NTM: variants seen among roughly 807,000 people sequenced by gnomAD.
The protein encoded by NTM is IgLON family member 2.
In NTM, 13 loss-of-function variants were observed where a neutral mutation model predicts 42.1. That is an observed-to-expected ratio of 0.31 (90% CI 0.20 to 0.49). NTM has a LOEUF of 0.49. Among genes scored for constraint, NTM ranks in the 20% least tolerant of loss-of-function variants. The probability of loss-of-function intolerance (pLI) is 0.99; values close to 1 mark genes in which losing one functional copy is unlikely to be tolerated. For missense variants in NTM, 373 were observed against 452.8 expected (o/e 0.82, Z 1.60); for synonymous variants, 187 against 179.2 (o/e 1.04, Z -0.35).
chr11:131,384,613 G>T (rs1943085675), intron 1 of NTM, among the ~76,000 whole-genome samples: 2 of 152,092 alleles, frequency 1.3e-5, no homozygotes, highest in African/African-American at 2.4e-5. Flanking sequence ...GGAAGGAGAG[G>T]CAAGAAGGAG....
rs1387354464 is a variant in NTM, at chr11:131,453,527, G to A, written c.82+82639G>A. On this transcript the variant is annotated intron_variant, in intron 1 of 8. Transcript: ENST00000683400. ...GAGACTACAAAGCGACAAGTACAAC[G>A]GAAAGACTTTCATTAAAAAAAAATA... Among the ~76,000 whole-genome samples the A allele has an allele frequency of 4.3e-5, 6 of 137,996 alleles. No individual in the cohort carries two copies. The East Asian group carries it at 1.0e-3, about 23-fold the overall frequency. 90.5% of individuals were successfully genotyped at this position (137,996 alleles called of 152,430 possible).
intron 2 of NTM, among the ~76,000 whole-genome samples, chr11:132,087,331 A>G (rs1429080256): frequency 6.6e-6 from 1 of 152,186 alleles, no homozygotes; most frequent in African/African-American, 2.4e-5. Context: ...GGATACTAGC[A>G]TGACCTTTAT....
At chr11:131,884,601 T>C (rs1454952413) in intron 1 of NTM, among the ~76,000 whole-genome samples, 1 of 152,106 alleles carries the variant, frequency 6.6e-6, no homozygotes, top group Non-Finnish European at 1.5e-5. Context: ...GTAACCACTA[T>C]GACATTCCAC....
intron 1 of NTM, among the ~76,000 whole-genome samples, chr11:131,636,652 C>T (rs1469858179): frequency 6.6e-6 from 1 of 152,130 alleles, no homozygotes; most frequent in Non-Finnish European, 1.5e-5. Context: ...GTGCGCTGCT[C>T]CAGAGCCCAC....
chr11:131,387,373 A>G (rs1943458187), intron 1 of NTM, among the ~76,000 whole-genome samples: 1 of 150,562 alleles, frequency 6.6e-6, no homozygotes, highest in South Asian at 2.1e-4. Context: ...CCATCGCCCC[A>G]CCAAACACTG....
At chr11:132,120,854 A>C (rs1458568756) in intron 2 of NTM, among the ~76,000 whole-genome samples, 1 of 152,166 alleles carries the variant, frequency 6.6e-6, no homozygotes, top group Non-Finnish European at 1.5e-5. Flanking sequence ...TAGAGTATGC[A>C]TAGGCTGCTG....
intron 1 of NTM, among the ~76,000 whole-genome samples, chr11:131,638,489 C>T (rs969554959): frequency 1.0e-4 from 15 of 149,248 alleles, no homozygotes; most frequent in African/African-American, 3.7e-4. Context: ...TCGCCTGAAC[C>T]CAGGAGGCGG....
At chr11:131,510,509 A>T (rs1768086707) in intron 1 of NTM, among the ~76,000 whole-genome samples, 1 of 151,916 alleles carries the variant, frequency 6.6e-6, no homozygotes, top group African/African-American at 2.4e-5. Flanking sequence ...TCCAGCTCCA[A>T]CTCTTACCTG....
chr11:131,671,988 G>A (rs1334636275), intron 1 of NTM, among the ~76,000 whole-genome samples: 20 of 152,194 alleles, frequency 1.3e-4, no homozygotes, highest in Admixed American at 1.0e-3. Context: ...TGGCTGCACC[G>A]CCTCTCAGCA....
At chr11:131,571,589 C>T (rs1271972169) in intron 1 of NTM, among the ~76,000 whole-genome samples, 1 of 152,216 alleles carries the variant, frequency 6.6e-6, no homozygotes. Flanking sequence ...TGCCCTCTCA[C>T]AGGCTGCCTC....
At chr11:132,246,009 GA>G (rs1297771647) in intron 4 of NTM, among the ~76,000 whole-genome samples, 1 of 152,200 alleles carries the variant, frequency 6.6e-6, no homozygotes, top group African/African-American at 2.4e-5. Flanking sequence ...GGGGTTTGAT[GA>G]GAGAGCTGCC....
At chr11:132,013,454 C>A (rs147083668) in intron 2 of NTM, among the ~76,000 whole-genome samples, 1 of 152,128 alleles carries the variant, frequency 6.6e-6, no homozygotes, top group African/African-American at 2.4e-5. Context: ...ATAGACCATT[C>A]TTTAAAGAAA....
At chr11:132,054,074 A>T (rs1455205074) in intron 2 of NTM, among the ~76,000 whole-genome samples, 1 of 152,176 alleles carries the variant, frequency 6.6e-6, no homozygotes, top group African/African-American at 2.4e-5. Flanking sequence ...AATTTGCCAG[A>T]TGTGGTGACA....
At chr11:131,988,215 A>T (rs1346537823) in intron 2 of NTM, among the ~76,000 whole-genome samples, 8 of 152,246 alleles carry the variant, frequency 5.3e-5, no homozygotes, top group Non-Finnish European at 5.9e-5. Flanking sequence ...ATAATTCCCC[A>T]AAAGCCCTGC....
intron 1 of NTM, among the ~76,000 whole-genome samples, chr11:131,635,207 A>T (rs567837259): frequency 1.3e-5 from 2 of 152,218 alleles, no homozygotes; most frequent in Non-Finnish European, 2.9e-5. Flanking sequence ...TTTTTAAAAG[A>T]GTGACACCTT....
chr11:132,031,689 G>A (rs922485312), intron 2 of NTM, among the ~76,000 whole-genome samples: 1 of 152,312 alleles, frequency 6.6e-6, no homozygotes, highest in Non-Finnish European at 1.5e-5. Context: ...TTTGCGTACA[G>A]ATACCAAGTA....
At chr11:132,218,475 G>A (rs956097802) in intron 4 of NTM, among the ~76,000 whole-genome samples, 3 of 152,114 alleles carry the variant, frequency 2.0e-5, no homozygotes, top group Non-Finnish European at 4.4e-5. Flanking sequence ...CCTGGAAGTC[G>A]CCCAAGTCTC....
At chr11:131,789,053 G>A (rs900645600) in intron 1 of NTM, among the ~76,000 whole-genome samples, 1 of 152,008 alleles carries the variant, frequency 6.6e-6, no homozygotes, top group African/African-American at 2.4e-5. Context: ...AATGAGTGTC[G>A]ACTCTCGAAA....
chr11:131,803,989 C>T (rs1286074112), intron 1 of NTM, among the ~76,000 whole-genome samples: 2 of 152,244 alleles, frequency 1.3e-5, no homozygotes, highest in African/African-American at 4.8e-5. Context: ...TCTCATCTTG[C>T]ATCTATAATT....
Sources: allele counts gnomAD v4.1 joint callset (sites outside exome capture counted in the v4.1 genomes callset), GRCh38; gene constraint gnomAD v4.1.1; transcripts MANE v1.5; gene names NCBI Gene and HGNC (gene_info 2026-07-23, HGNC 2026-07-21).